The following NTM variants were observed in gnomAD, a reference collection of about 807,000 sequenced individuals.
The protein encoded by NTM is IgLON family member 2.
In NTM, 13 loss-of-function variants were observed where a neutral mutation model predicts 42.1. The observed-to-expected ratio is 0.31, with a 90% CI of 0.20 to 0.49. The LOEUF (loss-of-function observed/expected upper bound fraction) is 0.49. NTM is among the 20% of genes least tolerant of loss of function. The probability of loss-of-function intolerance (pLI) is 0.99; values close to 1 mark genes in which losing one functional copy is unlikely to be tolerated. For synonymous variants in NTM, 187 were observed against 179.2 expected, an observed-to-expected ratio of 1.04 and a Z score of -0.35; for missense variants, 373 against 452.8, an observed-to-expected ratio of 0.82 and a Z score of 1.60.
chr11:131,765,856 G>A (rs1009882297), intron 1 of NTM, among the ~76,000 whole-genome samples: 12 of 152,180 alleles, frequency 7.9e-5, no homozygotes, highest in African/African-American at 2.7e-4. Context: ...GAATCAAGAA[G>A]CCCTGAGTAT....
intron 1 of NTM, among the ~76,000 whole-genome samples, chr11:131,858,631 A>G (rs1257793507): frequency 2.0e-5 from 3 of 152,204 alleles, no homozygotes. Flanking sequence ...TAGCAGCCGC[A>G]GGTGCTTTGT....
chr11:131,679,699 AC>A (rs1430125376), intron 1 of NTM, among the ~76,000 whole-genome samples: 1 of 151,692 alleles, frequency 6.6e-6, no homozygotes, highest in African/African-American at 2.4e-5. Context: ...TAAAAATGTT[AC>A]AGCATCTGTA....
At chr11:131,406,191 G>C (rs1032715679) in intron 1 of NTM, among the ~76,000 whole-genome samples, 2 of 152,088 alleles carry the variant, frequency 1.3e-5, no homozygotes, top group Admixed American at 1.3e-4. Context: ...GTAGATAATT[G>C]CTCAATAATG....
At chr11:132,280,111 T>A (rs2093910972) in intron 4 of NTM, among the ~76,000 whole-genome samples, 1 of 152,220 alleles carries the variant, frequency 6.6e-6, no homozygotes, top group Admixed American at 6.5e-5. Flanking sequence ...GCTCAGTAAT[T>A]GTTGTTAAAC....
intron 1 of NTM, chr11:131,897,123 C>T (rs2052424441): frequency 6.6e-6 from 1 of 152,244 alleles, no homozygotes; most frequent in African/African-American, 2.4e-5. Flanking sequence ...GCAGCAGTAC[C>T]TCTCCAATTA....
At chr11:131,717,645 A>G (rs1448903464) in intron 1 of NTM, among the ~76,000 whole-genome samples, 1 of 152,182 alleles carries the variant, frequency 6.6e-6, no homozygotes, top group Non-Finnish European at 1.5e-5. Context: ...TCTATATGGC[A>G]ATCAAGTAAT....
intron 1 of NTM, chr11:131,909,710 C>T (rs1212098605): frequency 6.6e-6 from 1 of 152,120 alleles, no homozygotes; most frequent in Non-Finnish European, 1.5e-5. Context: ...CCCTCAGAGC[C>T]GAAGTTAAGG....
intron 1 of NTM, among the ~76,000 whole-genome samples, chr11:131,821,025 G>GT (rs34815584): frequency 0.32 from 46,951 of 146,208 alleles, 9,100 homozygotes; most frequent in African/African-American, 0.57. Context: ...CCTCCAAAGG[G>GT]TTTTTTTTTT....
intron 1 of NTM, among the ~76,000 whole-genome samples, chr11:131,742,971 T>G (rs1354268326): frequency 6.6e-6 from 1 of 152,184 alleles, no homozygotes; most frequent in Non-Finnish European, 1.5e-5. Context: ...AGATTCAACT[T>G]CACTTTTATC....
intron 1 of NTM, among the ~76,000 whole-genome samples, chr11:131,500,319 A>T (rs933185869): frequency 3.3e-5 from 5 of 152,148 alleles, no homozygotes; most frequent in Admixed American, 6.5e-5. Context: ...TCCCAGAATC[A>T]TTAGGATCTA....
intron 1 of NTM, among the ~76,000 whole-genome samples, chr11:131,444,553 T>C (rs1041473714): frequency 3.1e-4 from 47 of 152,012 alleles, no homozygotes; most frequent in Admixed American, 8.5e-4. Context: ...TTGAGAAGAA[T>C]GAATTGAGGA....
chr11:132,235,129 G>T lies in NTM; in HGVS notation c.526+22982G>T, dbSNP rs144199396. ...TTGTCAATGGGATGAATTCTGGAAT[G>T]AAGCCCAGATTCTAAAGTCAACCCA... On this transcript the variant is annotated intron_variant, in intron 4 of 8. Coordinates refer to ENST00000683400, the MANE Select transcript of NTM (RefSeq NM_001352005.2). Among the ~76,000 whole-genome samples the T allele has an allele frequency of 4.8e-3, 736 of 152,340 alleles. 6 individuals are homozygous for T. The highest frequency in any genetic ancestry group is 0.017 in the African/African-American group (699 of 41,572).
rs866415533 is a variant in NTM, at chr11:131,910,455, T to G, written c.83-1109T>G. ...GGGCCCGGCGCGGCGGGGGTTAAGG[T>G]GGGCGCCCGCGCCCCGCGCCCCGCG... On this transcript the variant is annotated intron_variant, in intron 1 of 8. Transcript: ENST00000683400. 1.8e-3 allele frequency among the ~76,000 whole-genome samples: 265 copies of G among 146,464 alleles called. 3 individuals carry two copies. The highest frequency in any genetic ancestry group is 5.9e-3 in the African/African-American group (240 of 40,878).
intron 2 of NTM, among the ~76,000 whole-genome samples, chr11:131,928,440 A>G (rs181879632): frequency 6.6e-6 from 1 of 152,246 alleles, no homozygotes; most frequent in East Asian, 1.9e-4. Context: ...GGCTGTTGCC[A>G]GAATCTCCAG....
intron 1 of NTM, among the ~76,000 whole-genome samples, chr11:131,579,767 C>T (rs1415577935): frequency 1.3e-5 from 2 of 152,174 alleles, no homozygotes; most frequent in East Asian, 3.9e-4. Context: ...GGCATACCTC[C>T]CACGGCTGGG....
At chr11:131,650,181 A>G (rs1034704488) in intron 1 of NTM, among the ~76,000 whole-genome samples, 1 of 152,172 alleles carries the variant, frequency 6.6e-6, no homozygotes, top group Non-Finnish European at 1.5e-5. Context: ...CTAAGACACC[A>G]TGTTCTCTGA....
intron 1 of NTM, among the ~76,000 whole-genome samples, chr11:131,870,132 T>C (rs2047630530): frequency 1.3e-5 from 2 of 152,334 alleles, no homozygotes; most frequent in African/African-American, 2.4e-5. Flanking sequence ...TCCATTTTCA[T>C]GCACTCTTGT....
chr11:131,699,855 C>T (rs2075879602), intron 1 of NTM, among the ~76,000 whole-genome samples: 1 of 150,936 alleles, frequency 6.6e-6, no homozygotes, highest in Admixed American at 6.6e-5. Context: ...AACTACAATT[C>T]AAGATAGATT....
intron 7 of NTM, chr11:132,317,528 T>TA (rs148263955): frequency 0.014 from 5,546 of 401,096 alleles, 253 homozygotes; most frequent in African/African-American, 0.1. Context: ...TCCTTTTTTT[T>TA]ATATAATCCC....
Sources: gnomAD v4.1 joint callset for allele counts (sites outside exome capture counted in the v4.1 genomes callset) on GRCh38, gnomAD v4.1.1 for gene constraint, MANE v1.5 for transcripts, NCBI Gene and HGNC (gene_info 2026-07-23, HGNC 2026-07-21) for gene names.